The following SLC5A6 variants were observed in gnomAD, a reference collection of about 807,000 sequenced individuals.
The protein encoded by SLC5A6 is solute carrier family 5 member 6.
Under a neutral mutation model 67.9 loss-of-function variants are expected in SLC5A6, and 31 were observed. The observed-to-expected ratio is 0.46, with a 90% CI of 0.34 to 0.62. The LOEUF (loss-of-function observed/expected upper bound fraction) is 0.62, where lower values mean the gene tolerates loss of function less well. SLC5A6 is among the 20% of genes least tolerant of loss of function. The pLI, the probability that SLC5A6 is intolerant of heterozygous loss-of-function variation, is 0.01. For synonymous variants in SLC5A6, 343 were observed against 331.0 expected (o/e 1.04, Z -0.39); for missense variants, 673 against 812.8 (o/e 0.83, Z 2.09).
At chr2:27,212,349 G>A, upstream of SLC5A6, 1 of 1,550,074 alleles carries the variant, frequency 6.5e-7, no homozygotes. Flanking sequence ...GCGAGCAGCG[G>A]AGCACCAAGG....
intron 14 of SLC5A6, 41 bp from the exon 15 acceptor site, chr2:27,201,494 C>T (rs768609582): frequency 1.1e-5 from 16 of 1,453,332 alleles, no homozygotes; most frequent in Non-Finnish European, 1.5e-5. Context: ...AATTCGTTGG[C>T]AGGGCATTCC....
intron 5 of SLC5A6, 49 bp from the exon 6 acceptor site, chr2:27,206,142 G>GGCTTCTCCCCT: frequency 6.4e-7 from 1 of 1,552,196 alleles, no homozygotes; most frequent in Non-Finnish European, 8.9e-7. Flanking sequence ...GGTTCCCCAG[G>GGCTTCTCCCCT]GGAGAAGCCC....
intron 12 of SLC5A6, among the ~76,000 whole-genome samples, 193 bp from the exon 13 acceptor site, chr2:27,202,267 C>T (rs1446811773): frequency 2.0e-5 from 3 of 151,844 alleles, no homozygotes; most frequent in Non-Finnish European, 4.4e-5. Context: ...TTTGGGAGGC[C>T]GAGGCGGGAG....
chr2:27,202,943 G>C, intron 11 of SLC5A6, 63 bp from the exon 12 acceptor site: 3 of 1,595,210 alleles, frequency 1.9e-6, no homozygotes, highest in Non-Finnish European at 2.6e-6. Flanking sequence ...ATGGGGTAAA[G>C]CAAGGCTCCC....
rs1046061871 is a variant in SLC5A6, at chr2:27,212,239, G to A, written c.-427C>T. On this transcript the variant is annotated 5_prime_UTR_variant, in exon 1 of 17. Coordinates refer to ENST00000310574, the MANE Select transcript of SLC5A6 (RefSeq NM_021095.4). ...GCGCAGAGCTCCACGAGCAGGAAAA[G>A]CCCCCAAGCAGCCCCAGGGCGACTG... 3 of 1,561,408 alleles carry A rather than the reference G, an allele frequency of 1.9e-6. No individual in the cohort carries two copies. Among genetic ancestry groups the A allele is most frequent in the Non-Finnish European group, 2.6e-6 (3 of 1,153,356 alleles).
At chr2:27,206,829 G>T in intron 4 of SLC5A6, 48 bp downstream of exon 4, 1 of 1,392,288 alleles carries the variant, frequency 7.2e-7, no homozygotes, top group Non-Finnish European at 1.0e-6. Flanking sequence ...CTTGCGTTCA[G>T]GTCCCCCAAC....
At chr2:27,201,633 G>C in intron 14 of SLC5A6, 33 bp downstream of exon 14, 6 of 1,603,552 alleles carry the variant, frequency 3.7e-6, no homozygotes, top group Non-Finnish European at 5.1e-6. Flanking sequence ...GGAGGGCTTT[G>C]AGAAAACAAG....
In SLC5A6 at chr2:27,207,818, C is replaced by G; in HGVS notation, c.-140-28G>C. 1 of 647,220 alleles carries G rather than the reference C, an allele frequency of 1.5e-6. No homozygotes were observed. Among genetic ancestry groups the G allele is most frequent in the Non-Finnish European group, 2.6e-6 (1 of 379,276 alleles). 40.1% of individuals were successfully genotyped at this position (647,220 alleles called of 1,614,324 possible). On this transcript the variant is annotated intron_variant, in intron 2 of 16. Transcript: ENST00000310574. This position sits in a 1 kb window ranked among gnomAD's most constrained non-coding sequence, Gnocchi z 5.5. ...GCAAAGGAATTAGCTCTTAGTGAGGCCTATCTGGCCTTGGTAGCCATTCAC... is the reference window on the plus strand; with the variant it reads ...GCAAAGGAATTAGCTCTTAGTGAGGGCTATCTGGCCTTGGTAGCCATTCAC...
intron 10 of SLC5A6, 124 bp downstream of exon 10, chr2:27,203,655 T>G (rs751894536): frequency 2.7e-6 from 2 of 740,090 alleles, no homozygotes; most frequent in Admixed American, 2.1e-5. Context: ...TGCACACAGA[T>G]GGGGCAGGCA....
Position 27,206,468 on chromosome 2 carries a change from T to C in SLC5A6, c.511+15A>G. The C allele has an allele frequency of 6.2e-7, 1 of 1,613,482 alleles. No individual in the cohort carries two copies. Among genetic ancestry groups the C allele is most frequent in the Non-Finnish European group, 8.5e-7 (1 of 1,179,436 alleles). ...CCTACCACGGCTGAAAGCCAGGGGC[T>C]GTGTGACTCCTCACCTGCATTGAGA... On this transcript the variant is annotated intron_variant, in intron 5 of 16. Transcript: ENST00000310574.
At chr2:27,212,331 C>T (rs559815627), upstream of SLC5A6, 38 of 1,549,352 alleles carry the variant, frequency 2.5e-5, no homozygotes, top group African/African-American at 2.7e-4. Context: ...GCCGCGGGGC[C>T]GGGTCGCGCG....
rs1164669898 is a variant in SLC5A6, at chr2:27,205,413, T to C, written c.671A>G (p.Lys224Arg). The C allele has an allele frequency of 4.3e-6, 7 of 1,613,968 alleles. No individual in the cohort carries two copies. The highest frequency in any genetic ancestry group is 2.2e-5 in the East Asian group (1 of 44,886). The change falls in exon 7 of 17, where the codon AAG (lysine) becomes AGG (arginine). Residue 224 changes from lysine to arginine, a missense_variant. Transcript: ENST00000310574. Reference sequence around the variant, plus strand: ...CCACACACGCCCCAAGCCGCCCACCTTGGCTGACCCCACAATGATAACTGC... The same window carrying C: ...CCACACACGCCCCAAGCCGCCCACCCTGGCTGACCCCACAATGATAACTGC... The part of the protein sequence containing the change: ...QLAVIIVGSA[K>R]VGGLGRVWAV...
intron 6 of SLC5A6, 51 bp from the exon 7 acceptor site, chr2:27,205,555 T>C: frequency 6.3e-7 from 1 of 1,595,598 alleles, no homozygotes; most frequent in South Asian, 1.1e-5. Flanking sequence ...AAACCCAGCT[T>C]GTCCAACCTG....
At chr2:27,203,130 C>A in intron 11 of SLC5A6, 103 bp downstream of exon 11, 1 of 1,567,454 alleles carries the variant, frequency 6.4e-7, no homozygotes, top group Non-Finnish European at 8.6e-7. Context: ...TAGGCAAGTG[C>A]TGAGCCCCGG....
intron 7 of SLC5A6, 48 bp from the exon 8 acceptor site, chr2:27,204,979 C>T (rs1673946366): frequency 6.2e-7 from 1 of 1,602,846 alleles, no homozygotes. Context: ...AGAGACACAG[C>T]CTTCCTGCCC....
rs895941761 is a variant in SLC5A6, at chr2:27,208,631, G to A, written c.-140-841C>T. On this transcript the variant is annotated intron_variant, in intron 2 of 16. Coordinates refer to ENST00000310574, the MANE Select transcript of SLC5A6 (RefSeq NM_021095.4). ...ACACCTACCTGGAGAAGCAATCCCT[G>A]TTCTGAGGCAGAGTTGCCTGGAGCT... The A allele has an allele frequency of 2.0e-5, 3 of 153,002 alleles. No individual in the cohort carries two copies. In the South Asian group the frequency reaches 6.2e-4, roughly 32 times the overall value. 9.5% of individuals were successfully genotyped at this position (153,002 alleles called of 1,614,324 possible).
At chr2:27,203,959 C>T (rs951778426) in intron 9 of SLC5A6, 92 bp from the exon 10 acceptor site, 13 of 871,652 alleles carry the variant, frequency 1.5e-5, no homozygotes, top group African/African-American at 1.0e-4. Flanking sequence ...TGTGCCCCAG[C>T]GAGTCTACCG....
chr2:27,211,966 CCCCGCCCCCTGCCCGCCCCCTG>C, intron 1 of SLC5A6, 32 bp downstream of exon 1: 7 of 475,572 alleles, frequency 1.5e-5, no homozygotes, highest in Non-Finnish European at 2.5e-5. Context: ...CCCGCGGGGG[CCCCGCCCCCTGCCCGCCCCCTG>C]CCCGCCCCGC....
At chr2:27,205,320 G>A (rs774760466) in intron 7 of SLC5A6, 30 bp downstream of exon 7, 1 of 1,606,442 alleles carries the variant, frequency 6.2e-7, no homozygotes, top group Admixed American at 1.7e-5. Context: ...AGGCACTGCA[G>A]ACCCCAGCCA....
Sources: allele counts gnomAD v4.1 joint callset (sites outside exome capture counted in the v4.1 genomes callset), GRCh38; gene constraint gnomAD v4.1.1; non-coding constraint Gnocchi (gnomAD v3.1); transcripts MANE v1.5; gene names NCBI Gene and HGNC (gene_info 2026-07-23, HGNC 2026-07-21).